Variants in NRXN3 observed in about 807,000 individuals in gnomAD.
NRXN3 encodes neurexin III.
A neutral mutation model predicts 137.6 loss-of-function variants in NRXN3; 32 were observed. That is an observed-to-expected ratio of 0.23 (90% CI 0.18 to 0.31). NRXN3 has a LOEUF of 0.31. Ranked by LOEUF, NRXN3 falls within the 10% of genes least tolerant of loss-of-function variation. The probability of loss-of-function intolerance (pLI) is 1.00; values close to 1 mark genes in which losing one functional copy is unlikely to be tolerated. For synonymous variants in NRXN3, 798 were observed against 784.5 expected, an observed-to-expected ratio of 1.02 and a Z score of -0.29; for missense variants, 1,574 against 2,062.5, an observed-to-expected ratio of 0.76 and a Z score of 4.59.
intron 4 of NRXN3, among the ~76,000 whole-genome samples, chr14:78,480,152 CA>C (rs757133869): frequency 1.3e-5 from 2 of 151,988 alleles, no homozygotes; most frequent in Non-Finnish European, 2.9e-5. Flanking sequence ...AACAAACAAA[CA>C]AAAAACCCAA....
intron 15 of NRXN3, among the ~76,000 whole-genome samples, chr14:79,294,278 TAACTC>T (rs1352039049): frequency 2.0e-5 from 3 of 152,238 alleles, no homozygotes; most frequent in Non-Finnish European, 4.4e-5. Flanking sequence ...CGTAGTGTGT[TAACTC>T]AGGTAATTAT....
intron 15 of NRXN3, among the ~76,000 whole-genome samples, chr14:79,419,195 T>G (rs149472471): frequency 3.3e-5 from 5 of 152,130 alleles, no homozygotes; most frequent in Non-Finnish European, 5.9e-5. Flanking sequence ...TTCATTGAGA[T>G]AAAAAGGGTC....
intron 15 of NRXN3, among the ~76,000 whole-genome samples, chr14:79,317,644 G>A (rs1485410250): frequency 2.0e-5 from 3 of 152,130 alleles, no homozygotes; most frequent in Non-Finnish European, 2.9e-5. Context: ...CCCGGCAACC[G>A]AATTGTATTG....
At chr14:79,852,861 T>C (rs955322834) in intron 20 of NRXN3, among the ~76,000 whole-genome samples, 1 of 151,322 alleles carries the variant, frequency 6.6e-6, no homozygotes, top group Non-Finnish European at 1.5e-5. Context: ...CTTTTTATAT[T>C]ATATATATCT....
At chr14:79,286,885 A>C (rs1373206513) in intron 15 of NRXN3, among the ~76,000 whole-genome samples, 2 of 152,184 alleles carry the variant, frequency 1.3e-5, no homozygotes, top group African/African-American at 4.8e-5. Flanking sequence ...CTTCACCTTT[A>C]AAGTGAGCAA....
Position 78,243,510 on chromosome 14 carries a change from C to T in NRXN3, c.417C>T (p.Pro139=). The T allele has an allele frequency of 6.3e-7, 1 of 1,595,302 alleles. No individual in the cohort carries two copies. The highest frequency in any genetic ancestry group is 2.2e-5 in the East Asian group (1 of 44,784). The change falls in exon 2 of 21, where the codon CCC becomes CCT. Residue 139 remains proline, a synonymous_variant. Coordinates refer to ENST00000335750, the MANE Select transcript of NRXN3 (RefSeq NM_001330195.2). This position sits in a 1 kb window ranked among gnomAD's most constrained non-coding sequence, Gnocchi z 4.2. ...GQSGELQPQR[P]YMDVVSDLFL... ...CTGGGGAGCTGCAGCCCCAGCGGCC[C>T]TACATGGATGTGGTCAGTGACTTGT...
At chr14:79,244,709 C>G (rs1222997901) in intron 15 of NRXN3, among the ~76,000 whole-genome samples, 8 of 152,118 alleles carry the variant, frequency 5.3e-5, no homozygotes, top group Non-Finnish European at 5.9e-5. Context: ...TCCTGCAAAC[C>G]CATTCTTTGC....
chr14:79,186,540 G>T (rs1457147374), intron 15 of NRXN3, among the ~76,000 whole-genome samples: 2 of 152,016 alleles, frequency 1.3e-5, no homozygotes, highest in African/African-American at 2.4e-5. Flanking sequence ...TTGTCCCAAA[G>T]GCAGAAGAAA....
At chr14:78,995,741 A>G (rs1365896625) in intron 15 of NRXN3, among the ~76,000 whole-genome samples, 2 of 152,204 alleles carry the variant, frequency 1.3e-5, no homozygotes, top group Admixed American at 6.5e-5. Flanking sequence ...TGTGTGTCAA[A>G]TTTATTTAAC....
intron 4 of NRXN3, among the ~76,000 whole-genome samples, chr14:78,384,144 G>A (rs756674802): frequency 1.2e-4 from 18 of 152,060 alleles, no homozygotes; most frequent in Non-Finnish European, 2.9e-5. Flanking sequence ...GGAACCAATG[G>A]GACTTTGGAG....
intron 1 of NRXN3, among the ~76,000 whole-genome samples, chr14:78,219,281 T>C (rs1431070625): frequency 6.6e-6 from 1 of 152,124 alleles, no homozygotes; most frequent in African/African-American, 2.4e-5. Context: ...TAACCCAATG[T>C]TAAATTTAAA....
intron 15 of NRXN3, among the ~76,000 whole-genome samples, chr14:79,056,426 G>A (rs777839523): frequency 4.0e-5 from 6 of 151,844 alleles, no homozygotes; most frequent in Admixed American, 6.6e-5. Context: ...ATTTTTAAAT[G>A]ATGTGCAAGT....
chr14:79,209,480 A>G lies in NRXN3; in HGVS notation c.3262+221339A>G, dbSNP rs1297307339. Among the ~76,000 whole-genome samples, 9 of 152,318 alleles carry G rather than the reference A, an allele frequency of 5.9e-5. No individual in the cohort carries two copies. In the South Asian group the frequency reaches 1.0e-3, roughly 18 times the overall value. On this transcript the variant is annotated intron_variant, in intron 15 of 20. Transcript: ENST00000335750. The stretch of plus-strand genomic sequence containing the variant: ...CTGAGTCATAAGTAAAGTTTCTACT[A>G]TGTGAGAGACTCTCATTCCCTGTTG...
intron 15 of NRXN3, among the ~76,000 whole-genome samples, chr14:79,255,286 T>C (rs1208119024): frequency 6.6e-6 from 1 of 152,226 alleles, no homozygotes; most frequent in East Asian, 1.9e-4. Context: ...CTAGAGACAC[T>C]GTAAACCTTC....
intron 15 of NRXN3, among the ~76,000 whole-genome samples, chr14:79,037,291 A>ATACACAGGCAGAAAGCTCTCAGC (rs2099617731): frequency 6.6e-6 from 1 of 152,096 alleles, no homozygotes; most frequent in African/African-American, 2.4e-5. Flanking sequence ...ACATGCTCAA[A>ATACACAGGCAGAAAGCTCTCAGC]TACACAGGCA....
intron 4 of NRXN3, among the ~76,000 whole-genome samples, chr14:78,623,442 C>G (rs2152507011): frequency 6.6e-6 from 1 of 152,348 alleles, no homozygotes; most frequent in South Asian, 2.1e-4. Context: ...TTCCATCACT[C>G]CCTTCCACAG....
intron 16 of NRXN3, among the ~76,000 whole-genome samples, chr14:79,537,392 T>G (rs1213838905): frequency 6.6e-6 from 1 of 152,062 alleles, no homozygotes; most frequent in African/African-American, 2.4e-5. Flanking sequence ...CTGCACCCAT[T>G]AACTTGTCAT....
intron 4 of NRXN3, among the ~76,000 whole-genome samples, chr14:78,511,755 C>T (rs978583173): frequency 7.2e-5 from 11 of 152,060 alleles, no homozygotes; most frequent in Admixed American, 2.0e-4. Context: ...CTAAGAATTA[C>T]GGAGTGTTAG....
rs113501439 is a variant in NRXN3, at chr14:79,695,719, A to G, written c.3707-1911A>G. Among the ~76,000 whole-genome samples the G allele has an allele frequency of 8.9e-3, 1,357 of 151,950 alleles. 24 individuals are homozygous for G. The highest frequency in any genetic ancestry group is 0.031 in the African/African-American group (1,278 of 41,486). On this transcript the variant is annotated intron_variant, in intron 18 of 20. Coordinates refer to ENST00000335750, the MANE Select transcript of NRXN3 (RefSeq NM_001330195.2). ...AGCATATTACTTAGTATTATTATGCATTGAACTTTCTGCTGTGTCTTGTGT... is the reference window on the plus strand; with the variant it reads ...AGCATATTACTTAGTATTATTATGCGTTGAACTTTCTGCTGTGTCTTGTGT...
Sources: allele counts gnomAD v4.1 joint callset (sites outside exome capture counted in the v4.1 genomes callset), GRCh38; gene constraint gnomAD v4.1.1; non-coding constraint Gnocchi (gnomAD v3.1); transcripts MANE v1.5; gene names NCBI Gene and HGNC (gene_info 2026-07-23, HGNC 2026-07-21).